The following PAFAH1B1 variants were observed in gnomAD, a reference collection of about 807,000 sequenced individuals.
PAFAH1B1 encodes the protein platelet activating factor acetylhydrolase 1b regulatory subunit 1, also known as platelet-activating factor acetylhydrolase IB subunit beta.
A neutral mutation model predicts 57.5 loss-of-function variants in PAFAH1B1; 2 were observed. That is an observed-to-expected ratio of 0.03 (90% CI 0.01 to 0.11). The LOEUF (loss-of-function observed/expected upper bound fraction) is 0.11, where lower values mean the gene tolerates loss of function less well. Ranked by LOEUF, PAFAH1B1 falls within the 10% of genes least tolerant of loss-of-function variation. PAFAH1B1 has a pLI of 1.00. For synonymous variants in PAFAH1B1, 152 were observed against 169.6 expected, an observed-to-expected ratio of 0.90 and a Z score of 0.81; for missense variants, 257 against 512.0, an observed-to-expected ratio of 0.50 and a Z score of 4.81.
At chr17:2,655,834 A>C (rs1046114215) in intron 2 of PAFAH1B1, among the ~76,000 whole-genome samples, 3 of 151,962 alleles carry the variant, frequency 2.0e-5, no homozygotes, top group Non-Finnish European at 4.4e-5. Context: ...ACAGGAAACT[A>C]CATTGAGAAA....
chr17:2,652,290 C>T (rs944493546), intron 2 of PAFAH1B1, among the ~76,000 whole-genome samples: 2 of 152,056 alleles, frequency 1.3e-5, no homozygotes, highest in African/African-American at 4.8e-5. Flanking sequence ...TGGCGGGTGC[C>T]TGTAGTCCCA....
intron 1 of PAFAH1B1, among the ~76,000 whole-genome samples, chr17:2,626,361 C>G (rs2068490135): frequency 6.6e-6 from 1 of 151,994 alleles, no homozygotes; most frequent in African/African-American, 2.4e-5. Context: ...AGTATGATAA[C>G]TCAATCATAT....
chr17:2,604,023 A>T (rs1467643226), intron 1 of PAFAH1B1, among the ~76,000 whole-genome samples: 2 of 151,954 alleles, frequency 1.3e-5, no homozygotes, highest in East Asian at 3.9e-4. Context: ...GGCGTGAGCC[A>T]TCGCGCCTGG....
chr17:2,612,064 T>A (rs1407342532), intron 1 of PAFAH1B1, among the ~76,000 whole-genome samples: 1 of 152,210 alleles, frequency 6.6e-6, no homozygotes, highest in Non-Finnish European at 1.5e-5. Context: ...TTGGCAGTTT[T>A]TAATGGTTTA....
intron 1 of PAFAH1B1, among the ~76,000 whole-genome samples, chr17:2,625,960 G>A (rs1313494959): frequency 1.3e-5 from 2 of 151,796 alleles, no homozygotes; most frequent in South Asian, 2.1e-4. Flanking sequence ...ACAGAAAAAC[G>A]TTAATAAAAG....
intron 1 of PAFAH1B1, among the ~76,000 whole-genome samples, chr17:2,608,707 T>C (rs2068233061): frequency 6.6e-6 from 1 of 152,224 alleles, no homozygotes; most frequent in Non-Finnish European, 1.5e-5. Flanking sequence ...CGCTGTGAGC[T>C]GTGCTTGTGC....
intron 1 of PAFAH1B1, among the ~76,000 whole-genome samples, chr17:2,637,481 AGCTGAGGTGGGAGGATC>A (rs1567540032): frequency 6.6e-6 from 1 of 152,060 alleles, no homozygotes; most frequent in African/African-American, 2.4e-5. Flanking sequence ...CTGCTTGGGA[AGCTGAGGTGGGAGGATC>A]GCTTAAGCCC....
intron 9 of PAFAH1B1, among the ~76,000 whole-genome samples, chr17:2,679,478 TTGGATGGATGGA>T (rs754645470): frequency 8.1e-4 from 2 of 2,470 alleles, no homozygotes; most frequent in Non-Finnish European, 2.8e-3. Flanking sequence ...GGATGGATGA[TTGGATGGATGGA>T]TGGATGGATG....
chr17:2,652,582 A>T, intron 2 of PAFAH1B1, among the ~76,000 whole-genome samples: 1 of 152,080 alleles, frequency 6.6e-6, no homozygotes, highest in Non-Finnish European at 1.5e-5. Flanking sequence ...CATCATATAT[A>T]TTTGGCATTG....
chr17:2,654,308 A>G (rs952943310), intron 2 of PAFAH1B1, among the ~76,000 whole-genome samples: 1 of 148,040 alleles, frequency 6.8e-6, no homozygotes, highest in Non-Finnish European at 1.5e-5. Context: ...TCCTGCCTCA[A>G]CCTCCTGAAT....
chr17:2,669,390 T>C (rs760351494), intron 5 of PAFAH1B1, among the ~76,000 whole-genome samples: 1 of 151,698 alleles, frequency 6.6e-6, no homozygotes, highest in Non-Finnish European at 1.5e-5. Context: ...GCCTCCCGAG[T>C]AGCCGGGAGT....
At position 2,666,199 on chromosome 17, in the gene PAFAH1B1, A is replaced by G. The variant is rs533573638; in HGVS notation, c.192+109A>G. The stretch of plus-strand genomic sequence containing the variant: ...AATTGCATCTAATCTTTAAAAAGCA[A>G]ATAAAAATACATTTTTTGTGCTTCA... On this transcript the variant is annotated intron_variant, in intron 4 of 10. Transcript: ENST00000397195. 1.2e-5 allele frequency: 13 copies of G among 1,044,540 alleles called. No homozygotes were observed. In the South Asian group the frequency reaches 1.5e-4, roughly 12 times the overall value. 64.7% of individuals were successfully genotyped at this position (1,044,540 alleles called of 1,614,324 possible).
chr17:2,661,717 TC>T (rs2069016401), intron 2 of PAFAH1B1, among the ~76,000 whole-genome samples: 1 of 152,206 alleles, frequency 6.6e-6, no homozygotes. Context: ...CCTTGTTTTT[TC>T]TTCATATGAG....
intron 1 of PAFAH1B1, among the ~76,000 whole-genome samples, chr17:2,626,857 T>C (rs1748851507): frequency 1.3e-5 from 2 of 152,144 alleles, no homozygotes; most frequent in African/African-American, 4.8e-5. Flanking sequence ...CTGGGTGCAA[T>C]TTTTTATATG....
intron 8 of PAFAH1B1, 138 bp downstream of exon 8, chr17:2,674,426 A>T: frequency 4.3e-6 from 3 of 704,132 alleles, no homozygotes; most frequent in South Asian, 3.1e-5. Flanking sequence ...GAAATTCTCT[A>T]CTCTTCACAG....
chr17:2,666,210 A>AT (rs1428492253), intron 4 of PAFAH1B1, 120 bp downstream of exon 4: 6 of 981,990 alleles, frequency 6.1e-6, no homozygotes, highest in Non-Finnish European at 8.7e-6. Flanking sequence ...ATAAAAATAC[A>AT]TTTTTTGTGC....
chr17:2,636,157 G>A (rs912778001), intron 1 of PAFAH1B1, among the ~76,000 whole-genome samples: 2 of 151,974 alleles, frequency 1.3e-5, no homozygotes, highest in Non-Finnish European at 2.9e-5. Flanking sequence ...ATTGGGAGTT[G>A]TTAAGTACCA....
At chr17:2,607,488 T>C (rs887423165) in intron 1 of PAFAH1B1, among the ~76,000 whole-genome samples, 1 of 151,508 alleles carries the variant, frequency 6.6e-6, no homozygotes, top group African/African-American at 2.4e-5. Context: ...TCTTTTCTTT[T>C]TCTTTTTTTT....
chr17:2,671,575 T>A (rs1567558045), intron 6 of PAFAH1B1, among the ~76,000 whole-genome samples: 1 of 151,324 alleles, frequency 6.6e-6, no homozygotes, highest in African/African-American at 2.4e-5. Context: ...ATGCATTTTT[T>A]TTTTTTACCC....
Sources: gnomAD v4.1 joint callset for allele counts (sites outside exome capture counted in the v4.1 genomes callset) on GRCh38, gnomAD v4.1.1 for gene constraint, MANE v1.5 for transcripts, NCBI Gene and HGNC (gene_info 2026-07-23, HGNC 2026-07-21) for gene names.